The following SPATA16 variants were observed in gnomAD, a reference collection of about 807,000 sequenced individuals.
The protein encoded by SPATA16 is spermatogenesis-associated protein 16.
A neutral mutation model predicts 63.3 loss-of-function variants in SPATA16; 36 were observed. That is an observed-to-expected ratio of 0.57 (90% CI 0.44 to 0.75). The LOEUF is 0.75. SPATA16 is among the 30% of genes least tolerant of loss of function. The pLI is 0.00. For synonymous variants in SPATA16, 203 were observed against 216.7 expected (o/e 0.94, Z 0.56); for missense variants, 646 against 679.3 (o/e 0.95, Z 0.54).
chr3:173,029,563 A>C (rs1400191851), intron 3 of SPATA16, among the ~76,000 whole-genome samples: 1 of 152,008 alleles, frequency 6.6e-6, no homozygotes, highest in African/African-American at 2.4e-5. Context: ...AGAGAATGTG[A>C]ATATTTTGTA....
chr3:173,130,301 A>C (rs576872763), intron 1 of SPATA16, among the ~76,000 whole-genome samples: 41 of 141,276 alleles, frequency 2.9e-4, no homozygotes, highest in Admixed American at 2.5e-3. Flanking sequence ...CAGAGGTTGC[A>C]GTGAGCCGAG....
At chr3:172,941,067 G>A (rs1162757803) in intron 6 of SPATA16, among the ~76,000 whole-genome samples, 1 of 152,042 alleles carries the variant, frequency 6.6e-6, no homozygotes, top group African/African-American at 2.4e-5. Flanking sequence ...AACAATTACT[G>A]GAATGAAAAT....
intron 2 of SPATA16, among the ~76,000 whole-genome samples, chr3:173,065,008 CCTTTT>C (rs1736481766): frequency 6.6e-6 from 1 of 152,196 alleles, no homozygotes; most frequent in African/African-American, 2.4e-5. Flanking sequence ...TATTGTTCTT[CCTTTT>C]CTTCTAGTAC....
intron 1 of SPATA16, among the ~76,000 whole-genome samples, chr3:173,137,203 T>G (rs1438876444): frequency 6.6e-6 from 1 of 152,206 alleles, no homozygotes; most frequent in Admixed American, 6.5e-5. Flanking sequence ...AGCAGCACTC[T>G]GAAGCCTAGA....
chr3:173,114,102 C>T (rs1204134746), intron 2 of SPATA16, among the ~76,000 whole-genome samples: 2 of 150,676 alleles, frequency 1.3e-5, no homozygotes, highest in African/African-American at 4.9e-5. Context: ...ATCACTTGAA[C>T]CTGGGAGGCG....
chr3:173,118,317 A>G (rs1737961621), intron 1 of SPATA16, among the ~76,000 whole-genome samples: 1 of 152,244 alleles, frequency 6.6e-6, no homozygotes, highest in African/African-American at 2.4e-5. Context: ...TGTTCACAAC[A>G]GGCTCTAAAG....
chr3:172,939,219 G>A (rs1174644397), intron 6 of SPATA16, among the ~76,000 whole-genome samples: 2 of 152,176 alleles, frequency 1.3e-5, no homozygotes, highest in East Asian at 1.9e-4. Flanking sequence ...TGGAACTTAC[G>A]CGTTAGCTGC....
In SPATA16 at chr3:173,016,736, C is replaced by G. The variant is rs1277206028; in HGVS notation, c.848+2750G>C. 3.9e-5 allele frequency among the ~76,000 whole-genome samples: 6 copies of G among 152,016 alleles called. No homozygotes were observed. The South Asian group carries it at 1.0e-3, about 26-fold the overall frequency. Reference sequence around the variant, plus strand: ...ATTGATAAACATAAATGCTGTAAGCCAGGTGCAGTGTCTCACATCTGCAAT... The same window carrying G: ...ATTGATAAACATAAATGCTGTAAGCGAGGTGCAGTGTCTCACATCTGCAAT... On this transcript the variant is annotated intron_variant, in intron 4 of 10. Coordinates refer to ENST00000351008, the MANE Select transcript of SPATA16 (RefSeq NM_031955.6).
At chr3:173,102,329 T>G (rs1403221373) in intron 2 of SPATA16, among the ~76,000 whole-genome samples, 2 of 152,226 alleles carry the variant, frequency 1.3e-5, no homozygotes, top group African/African-American at 4.8e-5. Context: ...ATTCTTGCAT[T>G]GTTATAAAGA....
chr3:173,011,011 A>G (rs1297827796), intron 4 of SPATA16, among the ~76,000 whole-genome samples: 1 of 152,130 alleles, frequency 6.6e-6, no homozygotes, highest in Non-Finnish European at 1.5e-5. Context: ...AAATATACAA[A>G]GAAGAGCTGG....
intron 2 of SPATA16, among the ~76,000 whole-genome samples, chr3:173,050,997 T>C (rs1736076619): frequency 6.6e-6 from 1 of 152,226 alleles, no homozygotes; most frequent in Non-Finnish European, 1.5e-5. Context: ...AGTTTGAAGA[T>C]GGCAATTTGA....
chr3:173,094,068 C>T (rs900449612), intron 2 of SPATA16, among the ~76,000 whole-genome samples: 1 of 148,296 alleles, frequency 6.7e-6, no homozygotes, highest in African/African-American at 2.5e-5. Flanking sequence ...ATCCCTTTAA[C>T]TCTTATTTCA....
intron 2 of SPATA16, among the ~76,000 whole-genome samples, chr3:173,101,692 C>T (rs554941968): frequency 2.6e-5 from 4 of 152,166 alleles, no homozygotes; most frequent in Admixed American, 2.6e-4. Context: ...TTTTTATCTC[C>T]TCAACTCCCC....
intron 4 of SPATA16, among the ~76,000 whole-genome samples, chr3:172,998,752 G>C (rs923912116): frequency 6.6e-6 from 1 of 152,014 alleles, no homozygotes; most frequent in Non-Finnish European, 1.5e-5. Context: ...TTTGTGTCAC[G>C]AATATTTGTT....
chr3:172,944,043 T>C (rs1018445559), intron 6 of SPATA16, among the ~76,000 whole-genome samples: 2 of 152,068 alleles, frequency 1.3e-5, no homozygotes, highest in African/African-American at 4.8e-5. Context: ...TCAACCCAAT[T>C]AACAGTCATG....
At chr3:172,972,833 T>C (rs183984236) in intron 5 of SPATA16, among the ~76,000 whole-genome samples, 1 of 152,258 alleles carries the variant, frequency 6.6e-6, no homozygotes, top group Admixed American at 6.5e-5. Context: ...CTTATGAAGG[T>C]CACTTTTTGT....
intron 2 of SPATA16, among the ~76,000 whole-genome samples, chr3:173,059,968 CAG>C (rs1158653847): frequency 1.4e-5 from 2 of 147,398 alleles, no homozygotes; most frequent in Non-Finnish European, 3.0e-5. Context: ...GTAGAAAAAA[CAG>C]AGCTGGCTGG....
intron 2 of SPATA16, among the ~76,000 whole-genome samples, chr3:173,090,365 G>C (rs1430765911): frequency 6.6e-6 from 1 of 152,090 alleles, no homozygotes; most frequent in Non-Finnish European, 1.5e-5. Flanking sequence ...TGCCTGGTAT[G>C]CTTCCTGTAC....
chr3:172,952,817 A>G (rs1909516), intron 6 of SPATA16, among the ~76,000 whole-genome samples: 61,955 of 151,384 alleles, frequency 0.41, 14,243 homozygotes, highest in African/African-American at 0.63. Flanking sequence ...GCGTGCCCCT[A>G]TAGTCCCAGC....
Sources: allele counts gnomAD v4.1 joint callset (sites outside exome capture counted in the v4.1 genomes callset), GRCh38; gene constraint gnomAD v4.1.1; transcripts MANE v1.5; gene names NCBI Gene and HGNC (gene_info 2026-07-23, HGNC 2026-07-21).